ZNF608: variants seen among roughly 807,000 people sequenced by gnomAD.
The protein encoded by ZNF608 is zinc finger protein 608.
ZNF608 carries 12 observed loss-of-function variants against 109.0 expected under a neutral mutation model. The observed-to-expected ratio is 0.11, with a 90% CI of 0.07 to 0.18. The LOEUF is 0.18. Among genes scored for constraint, ZNF608 ranks in the 10% least tolerant of loss-of-function variants. The pLI is 1.00. For synonymous variants in ZNF608, 732 were observed against 717.4 expected (o/e 1.02, Z -0.33); for missense variants, 1,707 against 1,879.3 (o/e 0.91, Z 1.70).
intron 2 of ZNF608, among the ~76,000 whole-genome samples, chr5:124,738,320 G>A (rs7718029): frequency 0.33 from 50,526 of 151,982 alleles, 8,933 homozygotes; most frequent in Middle Eastern, 0.48. Flanking sequence ...GGATAGCCCA[G>A]TATTTCCTTA....
At chr5:124,638,240 A>G (rs6875347) in intron 9 of ZNF608, among the ~76,000 whole-genome samples, 61,610 of 149,630 alleles carry the variant, frequency 0.41, 13,378 homozygotes, top group East Asian at 0.65. Context: ...ATAAGCCACC[A>G]CACCCGGCCA....
At chr5:124,738,192 A>AC (rs1749232248) in intron 2 of ZNF608, among the ~76,000 whole-genome samples, 1 of 152,182 alleles carries the variant, frequency 6.6e-6, no homozygotes. Flanking sequence ...TGAGGCAGGG[A>AC]GCTCACCTGT....
upstream of ZNF608, chr5:124,748,707 T>A (rs535894545): frequency 7.1e-5 from 35 of 491,462 alleles, no homozygotes; most frequent in Admixed American, 3.2e-4. Context: ...AATTAAAATT[T>A]AAAAAAAGCA....
chr5:124,737,593 A>C (rs1189063652), intron 2 of ZNF608, among the ~76,000 whole-genome samples: 1 of 152,210 alleles, frequency 6.6e-6, no homozygotes, highest in Admixed American at 6.5e-5. Flanking sequence ...CCTGTGGTTC[A>C]AGGCCCACAG....
In ZNF608 at chr5:124,644,327, T is replaced by C. The variant is rs779714148; in HGVS notation, c.4040A>G (p.His1347Arg). The part of the protein sequence containing the change: ...SQHQSYIQYL[H>R]AYPYPQMYDP... Reference sequence around the variant, plus strand: ...GTACATCTGTGGGTAAGGATAAGCATGCAAGTACTGTATGTATGACTGATG... The same window carrying C: ...GTACATCTGTGGGTAAGGATAAGCACGCAAGTACTGTATGTATGACTGATG... Residue 1347 changes from histidine (H) to arginine (R), a missense_variant, in exon 6 of 10, where the codon CAT (histidine) becomes CGT (arginine). By Grantham distance (29) the His-to-Arg change is conservative. Around this residue, in one of 7 missense-constraint regions of ZNF608, gnomAD observed 1,073 missense variants for 1,133.5 expected, o/e 0.95. Coordinates refer to ENST00000513986, the MANE Select transcript of ZNF608 (RefSeq NM_020747.3). The C allele has an allele frequency of 1.2e-6, 2 of 1,614,170 alleles. No individual in the cohort carries two copies. Among genetic ancestry groups the C allele is most frequent in the South Asian group, 1.1e-5 (1 of 91,088 alleles).
At chr5:124,715,985 T>C (rs1753678891) in intron 2 of ZNF608, among the ~76,000 whole-genome samples, 1 of 151,132 alleles carries the variant, frequency 6.6e-6, no homozygotes. Context: ...CTACTAAAAA[T>C]ACAAAAAATT....
At position 124,685,163 on chromosome 5, in the gene ZNF608, A is replaced by G. The variant is rs543556968; in HGVS notation, c.1162+15851T>C. Among the ~76,000 whole-genome samples the G allele has an allele frequency of 2.0e-5, 3 of 149,206 alleles. No homozygotes were observed. In the East Asian group the frequency reaches 5.8e-4, roughly 29 times the overall value. On this transcript the variant is annotated intron_variant, in intron 3 of 9. Coordinates refer to ENST00000513986, the MANE Select transcript of ZNF608 (RefSeq NM_020747.3). Reference sequence around the variant, plus strand: ...CAACTCCAAATACTTTTCACTATTCATGTATCCAAAAAAGAAGTTCATACG... The same window carrying G: ...CAACTCCAAATACTTTTCACTATTCGTGTATCCAAAAAAGAAGTTCATACG...
At chr5:124,654,201 T>G (rs913551197) in intron 3 of ZNF608, among the ~76,000 whole-genome samples, 4 of 152,072 alleles carry the variant, frequency 2.6e-5, no homozygotes, top group African/African-American at 4.8e-5. Flanking sequence ...CTATTTTTTT[T>G]TAATGAGATG....
At chr5:124,739,495 A>C (rs1327798573) in intron 2 of ZNF608, among the ~76,000 whole-genome samples, 1 of 152,200 alleles carries the variant, frequency 6.6e-6, no homozygotes, top group African/African-American at 2.4e-5. Context: ...TCCAGGGGGA[A>C]AATTGACAGA....
intron 2 of ZNF608, among the ~76,000 whole-genome samples, chr5:124,737,554 G>A (rs1257510544): frequency 6.6e-6 from 1 of 152,100 alleles, no homozygotes; most frequent in Non-Finnish European, 1.5e-5. Context: ...TCACTGGGGG[G>A]AAAAGCCTTC....
At chr5:124,709,307 T>C (rs75319371) in intron 2 of ZNF608, among the ~76,000 whole-genome samples, 5,525 of 151,882 alleles carry the variant, frequency 0.036, 270 homozygotes, top group African/African-American at 0.11. Context: ...AGCAAGAGAA[T>C]GTACACAGCT....
Position 124,649,103 on chromosome 5 carries a change from C to T in ZNF608, c.1281G>A (p.Glu427=), listed in dbSNP as rs1395105289. 1 of 1,576,134 alleles carries T rather than the reference C, an allele frequency of 6.3e-7. No individual in the cohort carries two copies. Among genetic ancestry groups the T allele is most frequent in the Non-Finnish European group, 8.6e-7 (1 of 1,166,090 alleles). Residue 427 remains glutamate, a synonymous_variant, in exon 5 of 10, where the codon GAG becomes GAA. Coordinates refer to ENST00000513986, the MANE Select transcript of ZNF608 (RefSeq NM_020747.3). ...RFCESPTSDL[E]MRGGRGRGKR... ...TCCCTCTGCCCCGGCCCCCTCTCAT[C>T]TCCAGGTCACTTGTCGGTGACTCAC... is the stretch of plus-strand genomic sequence containing the variant.
intron 2 of ZNF608, among the ~76,000 whole-genome samples, chr5:124,723,559 G>T (rs1754019937): frequency 6.6e-6 from 1 of 152,074 alleles, no homozygotes; most frequent in African/African-American, 2.4e-5. Flanking sequence ...ATGGTGGTGG[G>T]CACCTGTAAT....
intron 3 of ZNF608, among the ~76,000 whole-genome samples, chr5:124,664,372 G>C (rs963741689): frequency 2.0e-5 from 3 of 152,122 alleles, no homozygotes; most frequent in African/African-American, 4.8e-5. Context: ...TGAAGTTGGG[G>C]CTTCCTCTGA....
At chr5:124,736,204 A>G (rs896775522) in intron 2 of ZNF608, among the ~76,000 whole-genome samples, 1 of 152,238 alleles carries the variant, frequency 6.6e-6, no homozygotes, top group African/African-American at 2.4e-5. Context: ...GGAACACATA[A>G]CTAAAGTGCG....
intron 3 of ZNF608, among the ~76,000 whole-genome samples, chr5:124,695,591 C>T (rs60895680): frequency 0.11 from 16,446 of 151,524 alleles, 1,629 homozygotes; most frequent in African/African-American, 0.27. Context: ...ATGGCAAAAC[C>T]TCGTGTCTAC....
At chr5:124,714,463 T>A (rs1753616345) in intron 2 of ZNF608, among the ~76,000 whole-genome samples, 1 of 152,214 alleles carries the variant, frequency 6.6e-6, no homozygotes, top group African/African-American at 2.4e-5. Flanking sequence ...CATGTCTCAC[T>A]AATGCTTTTG....
chr5:124,689,544 T>C (rs1462620759), intron 3 of ZNF608, among the ~76,000 whole-genome samples: 1 of 150,400 alleles, frequency 6.6e-6, no homozygotes, highest in Non-Finnish European at 1.5e-5. Flanking sequence ...CCTTTTCAAA[T>C]TCAATAATAA....
At chr5:124,649,246 G>A (rs1750678580) in intron 4 of ZNF608, 113 bp from the exon 5 acceptor site, 1 of 858,788 alleles carries the variant, frequency 1.2e-6, no homozygotes, top group South Asian at 2.3e-5. Flanking sequence ...TTCAGGGCTG[G>A]GCCCAGTCAA....
Sources: gnomAD v4.1 joint callset for allele counts (sites outside exome capture counted in the v4.1 genomes callset) on GRCh38, gnomAD v4.1.1 for gene constraint, gnomAD v4.1.1 regional missense constraint, MANE v1.5 for transcripts, NCBI Gene and HGNC (gene_info 2026-07-23, HGNC 2026-07-21) for gene names.